CALU: variants seen among roughly 807,000 people sequenced by gnomAD.
The protein encoded by CALU is calumenin, also known as IEF SSP 9302.
In CALU, 13 loss-of-function variants were observed where a neutral mutation model predicts 37.5. That is an observed-to-expected ratio of 0.35 (90% confidence interval 0.23 to 0.55). The LOEUF is 0.55. CALU is among the 20% of genes least tolerant of loss of function. CALU has a pLI of 0.89. For synonymous variants in CALU, 114 were observed against 133.8 expected (o/e 0.85, Z 1.02); for missense variants, 282 against 391.7 (o/e 0.72, Z 2.36).
In CALU at chr7:128,759,032, G is replaced by A; in HGVS notation, c.577G>A (p.Val193Ile). The A allele has an allele frequency of 6.2e-7, 1 of 1,609,116 alleles. No homozygotes were observed. Among genetic ancestry groups the A allele is most frequent in the Non-Finnish European group, 8.5e-7 (1 of 1,177,788 alleles). ...GTATGACTACATGAAAGATATAGTA[G>A]TACAGGTGGGTGAGATGAAGGATTC... ...EEYDYMKDIV[V>I]QETMEDIDKN... is the part of the protein sequence containing the mutation. Residue 193 changes from valine to isoleucine, a missense_variant, in exon 4 of 7, where the codon GTA (valine) becomes ATA (isoleucine). Physicochemically the swap from Val to Ile is conservative, Grantham distance 29. Coordinates refer to ENST00000249364, the MANE Select transcript of CALU (RefSeq NM_001219.5).
intron 1 of CALU, among the ~76,000 whole-genome samples, chr7:128,744,996 A>G (rs1442820985): frequency 6.6e-6 from 1 of 152,230 alleles, no homozygotes; most frequent in Non-Finnish European, 1.5e-5. Context: ...ACATTTCTGT[A>G]TGCTACATGT....
At chr7:128,760,821 T>TG (rs1801084250) in intron 5 of CALU, among the ~76,000 whole-genome samples, 1 of 152,126 alleles carries the variant, frequency 6.6e-6, no homozygotes, top group Non-Finnish European at 1.5e-5. Flanking sequence ...GGCAGGAGAA[T>TG]GGCATGAACC....
At chr7:128,752,818 G>A (rs1381247388) in intron 2 of CALU, among the ~76,000 whole-genome samples, 1 of 152,188 alleles carries the variant, frequency 6.6e-6, no homozygotes, top group Non-Finnish European at 1.5e-5. Flanking sequence ...CTGAATAGCT[G>A]AGATTACAGG....
At position 128,769,539 on chromosome 7, in the gene CALU, A is replaced by G. The variant is rs755116292; in HGVS notation, c.*372A>G. ...TCTCAACCCCTTTTATGATTTTAATAATTCTCACTTAACTAATTTTGTAAG... is the reference window on the plus strand; with the variant it reads ...TCTCAACCCCTTTTATGATTTTAATGATTCTCACTTAACTAATTTTGTAAG... On this transcript the variant is annotated 3_prime_UTR_variant, in exon 7 of 7. Coordinates refer to ENST00000249364, the MANE Select transcript of CALU (RefSeq NM_001219.5). 1.9e-5 allele frequency: 3 copies of G among 154,850 alleles called. No homozygotes were observed. The highest frequency in any genetic ancestry group is 4.3e-5 in the Non-Finnish European group (3 of 69,460). 9.6% of individuals were successfully genotyped at this position (154,850 alleles called of 1,614,324 possible).
intron 5 of CALU, among the ~76,000 whole-genome samples, chr7:128,766,425 CTTTTTTTTTTTTTTTTT>C (rs11288081): frequency 2.4e-4 from 23 of 94,980 alleles, no homozygotes; most frequent in Non-Finnish European, 2.5e-4. Flanking sequence ...ATTTCTTTTT[CTTTTTTTTTTTTTTTTT>C]TTTTGAGACG....
Position 128,754,397 on chromosome 7 carries a change from T to G in CALU, c.357T>G (p.Asn119Lys). The G allele has an allele frequency of 6.2e-7, 1 of 1,614,184 alleles. No homozygotes were observed. Among genetic ancestry groups the G allele is most frequent in the Non-Finnish European group, 8.5e-7 (1 of 1,180,032 alleles). The change falls in exon 3 of 7, where the codon AAT becomes AAG. Residue 119 changes from asparagine to lysine, a missense_variant. Physicochemically the swap from Asn to Lys is moderately conservative, Grantham distance 94. Coordinates refer to ENST00000249364, the MANE Select transcript of CALU (RefSeq NM_001219.5). ...VERQWKGHDL[N>K]EDGLVSWEEY... ...GACAGTGGAAGGGGCATGACCTCAATGAGGACGGCCTCGTTTCCTGGGAGG... is the reference window on the plus strand; with the variant it reads ...GACAGTGGAAGGGGCATGACCTCAAGGAGGACGGCCTCGTTTCCTGGGAGG...
chr7:128,743,353 A>G (rs964141158), intron 1 of CALU, among the ~76,000 whole-genome samples: 1 of 152,114 alleles, frequency 6.6e-6, no homozygotes, highest in Non-Finnish European at 1.5e-5. Flanking sequence ...ATTTTTCCTA[A>G]TATTATGTTG....
chr7:128,760,574 A>C (rs1156437688), intron 5 of CALU, among the ~76,000 whole-genome samples: 1 of 152,174 alleles, frequency 6.6e-6, no homozygotes, highest in East Asian at 1.9e-4. Flanking sequence ...TCAACAGCAC[A>C]GATATAGTGT....
Position 128,769,141 on chromosome 7 carries a change from GC to G in CALU, c.924del (p.Leu309Ter). On this transcript the variant is annotated frameshift_variant, in exon 7 of 7. Coordinates refer to ENST00000249364, the MANE Select transcript of CALU (RefSeq NM_001219.5). LOFTEE classifies it high-confidence loss of function. Reference protein sequence around the residue: ...VGSQATDFGEALVRHDEF With the variant: ...VGSQATDFGEXLVRHDEF Reference sequence around the variant, plus strand: ...CAGCCAGGCCACAGATTTTGGGGAGGCCTTAGTACGGCATGATGAGTTCTGA... The same window carrying G: ...CAGCCAGGCCACAGATTTTGGGGAGGCTTAGTACGGCATGATGAGTTCTGA... The G allele has an allele frequency of 6.2e-7, 1 of 1,605,254 alleles. No individual in the cohort carries two copies. Among genetic ancestry groups the G allele is most frequent in the African/African-American group, 1.3e-5 (1 of 74,876 alleles).
chr7:128,756,478 A>C (rs1800887555), intron 3 of CALU, among the ~76,000 whole-genome samples: 1 of 152,226 alleles, frequency 6.6e-6, no homozygotes, highest in Non-Finnish European at 1.5e-5. Context: ...GGGGGTCATG[A>C]GTCGGCTTAG....
intron 2 of CALU, among the ~76,000 whole-genome samples, chr7:128,752,719 C>G (rs1474370676): frequency 2.6e-5 from 4 of 152,200 alleles, no homozygotes; most frequent in Non-Finnish European, 5.9e-5. Context: ...AAGTCTTGCT[C>G]TGTCACCTGG....
intron 5 of CALU, 69 bp from the exon 6 acceptor site, chr7:128,767,387 C>A: frequency 8.2e-7 from 1 of 1,220,934 alleles, no homozygotes; most frequent in Non-Finnish European, 1.2e-6. Flanking sequence ...AAGGGTTAGG[C>A]CAGATTAGCA....
rs1213973747 is a variant in CALU at position 128,771,122 on chromosome 7, T to A, written c.*1955T>A. ...AATAATGCCACCAACTCTGGCTTAG[T>A]TAAGTGAGAGTGTGAACTGTGTGGC... is the stretch of plus-strand genomic sequence containing the variant. On this transcript the variant is annotated 3_prime_UTR_variant, in exon 7 of 7. Transcript: ENST00000249364. The A allele has an allele frequency of 2.0e-5, 3 of 152,468 alleles. No individual in the cohort carries two copies. In the East Asian group the frequency reaches 5.8e-4, roughly 29 times the overall value. 9.4% of individuals were successfully genotyped at this position (152,468 alleles called of 1,614,324 possible).
At chr7:128,761,131 T>C (rs1801099325) in intron 5 of CALU, among the ~76,000 whole-genome samples, 1 of 152,216 alleles carries the variant, frequency 6.6e-6, no homozygotes, top group South Asian at 2.1e-4. Context: ...ACATTTCCCT[T>C]TTTAGTTGTC....
chr7:128,759,128 T>TA (rs1158322121), intron 4 of CALU, 91 bp downstream of exon 4: 2 of 698,026 alleles, frequency 2.9e-6, no homozygotes, highest in East Asian at 6.3e-5. Context: ...TAGCATATCT[T>TA]ATATATATAT....
Position 128,754,865 on chromosome 7 carries a change from A to G in CALU, c.415+410A>G, listed in dbSNP as rs339044. 8.6e-3 allele frequency: 3,691 copies of G among 431,180 alleles called. 129 individuals carry two copies. Among genetic ancestry groups the G allele is most frequent in the African/African-American group, 0.068 (3,358 of 49,054 alleles). 26.7% of individuals were successfully genotyped at this position (431,180 alleles called of 1,614,324 possible). A position where few individuals can be genotyped will look rare whatever the true frequency, so the allele number is the denominator to read the frequency against. ...TTCCCTTTATTAATTTTAAATTTGT[A>G]TATTATGTATTTTTAAATTTGTTTA... On this transcript the variant is annotated intron_variant, in intron 3 of 6. Coordinates refer to ENST00000249364, the MANE Select transcript of CALU (RefSeq NM_001219.5).
chr7:128,751,115 C>T (rs1800655420), intron 2 of CALU, among the ~76,000 whole-genome samples: 1 of 151,518 alleles, frequency 6.6e-6, no homozygotes. Context: ...TGGTGAAATC[C>T]CATCTCTACT....
At chr7:128,741,614 G>A (rs1305345404) in intron 1 of CALU, among the ~76,000 whole-genome samples, 2 of 152,208 alleles carry the variant, frequency 1.3e-5, no homozygotes, top group African/African-American at 4.8e-5. Context: ...AGTGATCATA[G>A]TAGGTAGGTC....
At chr7:128,757,429 TCTGA>T (rs995488421) in intron 3 of CALU, among the ~76,000 whole-genome samples, 2 of 151,940 alleles carry the variant, frequency 1.3e-5, no homozygotes, top group African/African-American at 4.8e-5. Context: ...CGTTAAGCTG[TCTGA>T]CTGAATTTTT....
Sources: gnomAD v4.1 joint callset for allele counts (sites outside exome capture counted in the v4.1 genomes callset) on GRCh38, gnomAD v4.1.1 for gene constraint, MANE v1.5 for transcripts, NCBI Gene and HGNC (gene_info 2026-07-23, HGNC 2026-07-21) for gene names.